Variants in PGM2L1 observed in about 807,000 individuals in gnomAD.
PGM2L1 encodes the protein glucose 1,6-bisphosphate synthase.
In PGM2L1, 35 loss-of-function variants were observed where a neutral mutation model predicts 73.4. The ratio of observed to expected loss-of-function variants is 0.48; its 90% CI spans 0.36 to 0.63. The LOEUF is 0.63. Ranked by LOEUF, PGM2L1 falls within the 30% of genes least tolerant of loss-of-function variation. The pLI, the probability that PGM2L1 is intolerant of heterozygous loss-of-function variation, is 0.00. For synonymous variants in PGM2L1, 225 were observed against 253.8 expected, an observed-to-expected ratio of 0.89 and a Z score of 1.08; for missense variants, 570 against 742.0, an observed-to-expected ratio of 0.77 and a Z score of 2.69.
chr11:74,349,654 T>G (rs2134894366), intron 6 of PGM2L1, among the ~76,000 whole-genome samples: 1 of 152,312 alleles, frequency 6.6e-6, no homozygotes, highest in Non-Finnish European at 1.5e-5. Flanking sequence ...ATTGGCCTTT[T>G]TAGTAACAGA....
intron 1 of PGM2L1, among the ~76,000 whole-genome samples, chr11:74,384,142 TC>T (rs1862988665): frequency 6.6e-6 from 1 of 151,896 alleles, no homozygotes; most frequent in South Asian, 2.1e-4. Context: ...TCCCCCCGCA[TC>T]CTTTTGTCAT....
intron 2 of PGM2L1, 64 bp from the exon 3 acceptor site, chr11:74,371,881 C>A: frequency 7.3e-7 from 1 of 1,368,768 alleles, no homozygotes; most frequent in South Asian, 1.2e-5. Flanking sequence ...GACTCAGAAT[C>A]TCTTATTTTT....
intron 5 of PGM2L1, among the ~76,000 whole-genome samples, chr11:74,352,467 C>G (rs1377760241): frequency 6.6e-6 from 1 of 152,074 alleles, no homozygotes; most frequent in Middle Eastern, 3.2e-3. Context: ...ACATTAGGAA[C>G]AGTTACCAAA....
intron 1 of PGM2L1, among the ~76,000 whole-genome samples, chr11:74,394,786 A>G (rs1490942247): frequency 6.6e-6 from 1 of 152,220 alleles, no homozygotes; most frequent in Non-Finnish European, 1.5e-5. Context: ...CAAATACACC[A>G]ACCGAGACTA....
chr11:74,389,602 C>T (rs972901577), intron 1 of PGM2L1, among the ~76,000 whole-genome samples: 1 of 151,426 alleles, frequency 6.6e-6, no homozygotes, highest in African/African-American at 2.4e-5. Flanking sequence ...CAAGTGCCAT[C>T]ACGCCCAGCT....
At chr11:74,352,148 T>G (rs1361326093) in intron 5 of PGM2L1, among the ~76,000 whole-genome samples, 3 of 151,904 alleles carry the variant, frequency 2.0e-5, no homozygotes, top group South Asian at 2.1e-4. Flanking sequence ...AATAACAATA[T>G]GAGTAAAATA....
At chr11:74,397,458 G>A (rs1863193616) in intron 1 of PGM2L1, 1 of 152,294 alleles carries the variant, frequency 6.6e-6, no homozygotes, top group Non-Finnish European at 1.5e-5. Context: ...ACGATTCCTT[G>A]AACAGATTAA....
chr11:74,360,379 C>T lies in PGM2L1; in HGVS notation c.555+8113G>A, dbSNP rs139976886. Among the ~76,000 whole-genome samples the T allele has an allele frequency of 2.5e-3, 386 of 151,842 alleles. 8 individuals are homozygous for T. The highest frequency in any genetic ancestry group is 0.021 in the Admixed American group (315 of 15,274). The stretch of plus-strand genomic sequence containing the variant: ...TGGTACATGCCTATAGCCCCAGCTA[C>T]TCAAGAGGCTGAGGCTGGAGAATTC... On this transcript the variant is annotated intron_variant, in intron 5 of 13. Coordinates refer to ENST00000298198, the MANE Select transcript of PGM2L1 (RefSeq NM_173582.6).
intron 5 of PGM2L1, among the ~76,000 whole-genome samples, chr11:74,357,388 G>A (rs1045135189): frequency 5.3e-5 from 8 of 152,108 alleles, no homozygotes; most frequent in African/African-American, 1.2e-4. Context: ...ACACTTCACC[G>A]AAAGAATACA....
intron 5 of PGM2L1, among the ~76,000 whole-genome samples, chr11:74,362,490 G>A (rs543259850): frequency 7.8e-4 from 118 of 152,222 alleles, no homozygotes; most frequent in African/African-American, 2.7e-3. Flanking sequence ...ATCAACTAAC[G>A]AGCAAAATAA....
At chr11:74,375,823 C>T (rs1488378521) in intron 1 of PGM2L1, among the ~76,000 whole-genome samples, 1 of 151,994 alleles carries the variant, frequency 6.6e-6, no homozygotes, top group Non-Finnish European at 1.5e-5. Context: ...ATGGCACACA[C>T]TAACAAATAA....
intron 5 of PGM2L1, among the ~76,000 whole-genome samples, chr11:74,357,651 A>G (rs1351662861): frequency 2.0e-5 from 3 of 152,244 alleles, no homozygotes; most frequent in Non-Finnish European, 2.9e-5. Context: ...CTCTTGTTAC[A>G]TGATTCAGCA....
intron 1 of PGM2L1, among the ~76,000 whole-genome samples, chr11:74,394,781 ACAC>A (rs1191871627): frequency 1.3e-5 from 2 of 152,232 alleles, no homozygotes; most frequent in African/African-American, 4.8e-5. Context: ...CTTTTCAAAT[ACAC>A]CAACCGAGAC....
chr11:74,348,005 T>C (rs625632), intron 6 of PGM2L1, among the ~76,000 whole-genome samples: 90,599 of 151,944 alleles, frequency 0.6, 27,709 homozygotes, highest in East Asian at 0.8. Context: ...TCCCCCTTCA[T>C]CTCATACATC....
chr11:74,348,304 C>T (rs1012660305), intron 6 of PGM2L1, among the ~76,000 whole-genome samples: 2 of 151,912 alleles, frequency 1.3e-5, no homozygotes, highest in East Asian at 1.9e-4. Context: ...AACTATTCCC[C>T]ATAAAAAATA....
At chr11:74,382,046 A>T (rs1328673128) in intron 1 of PGM2L1, among the ~76,000 whole-genome samples, 3 of 152,292 alleles carry the variant, frequency 2.0e-5, no homozygotes, top group Admixed American at 2.0e-4. Context: ...AAGGAAATGA[A>T]AATCAAAACA....
At chr11:74,384,586 G>A (rs904283336) in intron 1 of PGM2L1, among the ~76,000 whole-genome samples, 12 of 151,544 alleles carry the variant, frequency 7.9e-5, no homozygotes, top group East Asian at 1.9e-4. Context: ...GTAATATTAG[G>A]TATTATATTT....
rs1245733408 is a variant in PGM2L1, at chr11:74,334,137, G to A, written c.*2515C>T. On this transcript the variant is annotated 3_prime_UTR_variant, in exon 14 of 14. Coordinates refer to ENST00000298198, the MANE Select transcript of PGM2L1 (RefSeq NM_173582.6). ...TTTGTAAAATTTTGTTAACTTGAGA[G>A]AAGAACACTTCAATAACTTTTCACC... The A allele has an allele frequency of 6.6e-6, 1 of 152,172 alleles. No individual in the cohort carries two copies. Among genetic ancestry groups the A allele is most frequent in the Non-Finnish European group, 1.5e-5 (1 of 68,044 alleles). 9.4% of individuals were successfully genotyped at this position (152,172 alleles called of 1,614,324 possible).
rs374938561 is a variant in PGM2L1, at chr11:74,345,527, G to A, written c.1160C>T (p.Thr387Ile). The A allele has an allele frequency of 3.1e-6, 5 of 1,613,388 alleles. No homozygotes were observed. Among genetic ancestry groups the A allele is most frequent in the Non-Finnish European group, 4.2e-6 (5 of 1,179,514 alleles). The change falls in exon 9 of 14, where the codon ACC (threonine) becomes ATC (isoleucine). Residue 387 changes from threonine (T) to isoleucine (I), a missense_variant. Coordinates refer to ENST00000298198, the MANE Select transcript of PGM2L1 (RefSeq NM_173582.6). ...ADVKNVYMLATTVSSKILKAI... is the reference protein window; with the variant it reads ...ADVKNVYMLAITVSSKILKAI... The stretch of plus-strand genomic sequence containing the variant: ...CTTCAGAATTTTAGAAGAGACTGTG[G>A]TGGCTAACATATAAACGTTCTTCAC...
Sources: gnomAD v4.1 joint callset for allele counts (sites outside exome capture counted in the v4.1 genomes callset) on GRCh38, gnomAD v4.1.1 for gene constraint, MANE v1.5 for transcripts, NCBI Gene and HGNC (gene_info 2026-07-23, HGNC 2026-07-21) for gene names.